Variants in TMTC1 observed in about 807,000 individuals in gnomAD.
TMTC1 encodes the protein protein O-mannosyl-transferase TMTC1.
TMTC1 carries 73 observed loss-of-function variants against 104.8 expected under a neutral mutation model. That is an observed-to-expected ratio of 0.70 (90% confidence interval 0.58 to 0.85). TMTC1 has a LOEUF of 0.85. Among genes scored for constraint, TMTC1 ranks in the 40% least tolerant of loss-of-function variants. The pLI is 0.00. For missense variants in TMTC1, 1,035 were observed against 1,096.1 expected (o/e 0.94, Z 0.79); for synonymous variants, 434 against 428.7 (o/e 1.01, Z -0.15).
chr12:29,559,935 T>C (rs1014259765), intron 9 of TMTC1, among the ~76,000 whole-genome samples: 6 of 152,052 alleles, frequency 3.9e-5, no homozygotes, highest in African/African-American at 1.2e-4. Flanking sequence ...AAAAGAAAAA[T>C]ACAGATGTAA....
chr12:29,670,598 C>T (rs1387364784), intron 5 of TMTC1, among the ~76,000 whole-genome samples: 2 of 152,112 alleles, frequency 1.3e-5, no homozygotes, highest in African/African-American at 2.4e-5. Context: ...ACTATTCTCA[C>T]AGATGTTTGT....
chr12:29,684,854 T>A (rs1941041016), intron 5 of TMTC1, among the ~76,000 whole-genome samples: 2 of 152,172 alleles, frequency 1.3e-5, no homozygotes, highest in South Asian at 4.1e-4. Flanking sequence ...TGCAAATGAC[T>A]GGTTATTGTG....
At chr12:29,666,652 G>C (rs1474425791) in intron 5 of TMTC1, among the ~76,000 whole-genome samples, 1 of 152,032 alleles carries the variant, frequency 6.6e-6, no homozygotes, top group African/African-American at 2.4e-5. Context: ...CTTTCCACTG[G>C]AAATGGTAAT....
chr12:29,645,998 T>C (rs180922524), intron 5 of TMTC1, among the ~76,000 whole-genome samples: 1 of 152,320 alleles, frequency 6.6e-6, no homozygotes, highest in Admixed American at 6.5e-5. Context: ...TGCAAGCATA[T>C]AGCAGAGTTT....
chr12:29,782,546 G>T (rs73077491), intron 1 of TMTC1, among the ~76,000 whole-genome samples: 2 of 152,152 alleles, frequency 1.3e-5, no homozygotes, highest in African/African-American at 4.8e-5. Flanking sequence ...CTTCAATGCT[G>T]AGCCACATTA....
intron 5 of TMTC1, among the ~76,000 whole-genome samples, chr12:29,646,169 C>T (rs117991141): frequency 1.5e-4 from 23 of 152,202 alleles, no homozygotes; most frequent in African/African-American, 5.5e-4. Context: ...CCCTGACTCA[C>T]TCCTTCATCA....
At chr12:29,706,791 C>G (rs1387553518) in intron 5 of TMTC1, among the ~76,000 whole-genome samples, 5 of 152,078 alleles carry the variant, frequency 3.3e-5, no homozygotes, top group Non-Finnish European at 7.4e-5. Context: ...CTTTCACTTG[C>G]ATGCTGTAAT....
chr12:29,730,518 C>T (rs569215068), intron 5 of TMTC1, among the ~76,000 whole-genome samples: 45 of 152,292 alleles, frequency 3.0e-4, no homozygotes, highest in South Asian at 2.1e-4. Context: ...TCTTCTCTCC[C>T]GCTTTTCCTT....
In TMTC1 at chr12:29,504,236, C is replaced by G. The variant is rs985231955; in HGVS notation, c.*2610G>C. On this transcript the variant is annotated 3_prime_UTR_variant, in exon 18 of 18. Coordinates refer to ENST00000539277, the MANE Select transcript of TMTC1 (RefSeq NM_001193451.2). ...TTCAAGAAGGTGCTATCAATCCACA[C>G]AGCAAGTATACTTCCATTAAGGGCA... 6.6e-6 allele frequency: 1 copy of G among 151,502 alleles called. No individual in the cohort carries two copies. Among genetic ancestry groups the G allele is most frequent in the Non-Finnish European group, 1.5e-5 (1 of 67,942 alleles). The allele number at this position is 151,502 out of a possible 1,614,324, so 9.4% of individuals were successfully genotyped here. A position where few individuals can be genotyped will look rare whatever the true frequency, so the allele number is the denominator to read the frequency against.
In TMTC1 at chr12:29,536,198, G is replaced by GA; in HGVS notation, c.1785+10dup. 1 of 1,564,582 alleles carries GA rather than the reference G, an allele frequency of 6.4e-7. No homozygotes were observed. On this transcript the variant is annotated intron_variant, in intron 11 of 17. Transcript: ENST00000539277. Reference sequence around the variant, plus strand: ...ATAACATTGAAAAAAACTACTGTGTGAAACAATTACCTGCTCAGCCAATAA... The same window carrying GA: ...ATAACATTGAAAAAAACTACTGTGTGAAAACAATTACCTGCTCAGCCAATAA...
At chr12:29,780,246 G>A (rs140506342) in intron 1 of TMTC1, among the ~76,000 whole-genome samples, 1,743 of 152,280 alleles carry the variant, frequency 0.011, 30 homozygotes, top group African/African-American at 0.039. Flanking sequence ...AAACAACCTA[G>A]ATGTCCCCAA....
chr12:29,752,239 T>A (rs1238171466), intron 4 of TMTC1, among the ~76,000 whole-genome samples: 1 of 152,166 alleles, frequency 6.6e-6, no homozygotes, highest in African/African-American at 2.4e-5. Flanking sequence ...TACATTATTA[T>A]AATCTTGTAA....
intron 5 of TMTC1, among the ~76,000 whole-genome samples, chr12:29,653,145 G>A (rs753991552): frequency 1.1e-4 from 17 of 151,548 alleles, no homozygotes; most frequent in Non-Finnish European, 2.1e-4. Context: ...CTTACACTTC[G>A]TGGATCCTAA....
intron 7 of TMTC1, among the ~76,000 whole-genome samples, chr12:29,586,521 A>C (rs1457601035): frequency 6.6e-6 from 1 of 152,156 alleles, no homozygotes; most frequent in Non-Finnish European, 1.5e-5. Flanking sequence ...GCCAGTTTTC[A>C]AAGGGAATGC....
intron 8 of TMTC1, among the ~76,000 whole-genome samples, chr12:29,576,030 C>A (rs1162829336): frequency 6.6e-6 from 1 of 152,132 alleles, no homozygotes; most frequent in Non-Finnish European, 1.5e-5. Flanking sequence ...ACCTGTTGAC[C>A]ATTTGCTTGT....
chr12:29,590,191 A>T (rs1375386541), intron 7 of TMTC1, among the ~76,000 whole-genome samples: 1 of 152,142 alleles, frequency 6.6e-6, no homozygotes, highest in Admixed American at 6.5e-5. Flanking sequence ...AACAAAAAAA[A>T]AAAAACCTTT....
At chr12:29,744,132 T>C (rs1210628942) in intron 5 of TMTC1, among the ~76,000 whole-genome samples, 1 of 152,186 alleles carries the variant, frequency 6.6e-6, no homozygotes, top group Non-Finnish European at 1.5e-5. Context: ...GTGCATCCAG[T>C]TGGAAGGCAG....
chr12:29,663,124 T>C (rs1940111316), intron 5 of TMTC1, among the ~76,000 whole-genome samples: 1 of 152,200 alleles, frequency 6.6e-6, no homozygotes, highest in Non-Finnish European at 1.5e-5. Context: ...GTCCTTGACT[T>C]CGATCTTTAG....
intron 1 of TMTC1, among the ~76,000 whole-genome samples, chr12:29,782,443 G>A (rs564121289): frequency 7.5e-6 from 1 of 133,564 alleles, no homozygotes; most frequent in African/African-American, 2.8e-5. Context: ...CATAAACACG[G>A]GTTCCTATTA....
Sources: allele counts gnomAD v4.1 joint callset (sites outside exome capture counted in the v4.1 genomes callset), GRCh38; gene constraint gnomAD v4.1.1; transcripts MANE v1.5; gene names NCBI Gene and HGNC (gene_info 2026-07-23, HGNC 2026-07-21).